PIAS1: variants seen among roughly 807,000 people sequenced by gnomAD.
PIAS1 encodes protein inhibitor of activated STAT 1.
Under a neutral mutation model 71.3 loss-of-function variants are expected in PIAS1, and 6 were observed. That is an observed-to-expected ratio of 0.08 (90% CI 0.05 to 0.17). The LOEUF (loss-of-function observed/expected upper bound fraction) is 0.17. Among genes scored for constraint, PIAS1 ranks in the 10% least tolerant of loss-of-function variants. The pLI is 1.00. For missense variants in PIAS1, 555 were observed against 793.6 expected (o/e 0.70, Z 3.61); for synonymous variants, 303 against 292.9 (o/e 1.03, Z -0.35).
chr15:68,070,861 T>C (rs1254757783), intron 1 of PIAS1, among the ~76,000 whole-genome samples: 2 of 151,914 alleles, frequency 1.3e-5, no homozygotes, highest in Non-Finnish European at 2.9e-5. Flanking sequence ...GCTCAAGTGA[T>C]TGTCCTACCT....
intron 2 of PIAS1, among the ~76,000 whole-genome samples, chr15:68,135,207 T>G (rs1249440851): frequency 1.0e-4 from 3 of 28,606 alleles, no homozygotes; most frequent in African/African-American, 7.9e-5. Context: ...CCCCCCCACC[T>G]CCCTCCCGGA....
Position 68,171,122 on chromosome 15 carries a change from T to C in PIAS1, c.1009-2610T>C, listed in dbSNP as rs2092988763. ...ATTTTTTACTTTTATTTTCTACTTTTTAAACTTTTTTGTTAAAAACAAAGA... is the reference window on the plus strand; with the variant it reads ...ATTTTTTACTTTTATTTTCTACTTTCTAAACTTTTTTGTTAAAAACAAAGA... On this transcript the variant is annotated intron_variant, in intron 8 of 13. Transcript: ENST00000249636. This position sits in a 1 kb window ranked among gnomAD's most constrained non-coding sequence, Gnocchi z 4.4. Among the ~76,000 whole-genome samples the C allele has an allele frequency of 6.6e-6, 1 of 152,180 alleles. No individual in the cohort carries two copies. The highest frequency in any genetic ancestry group is 1.5e-5 in the Non-Finnish European group (1 of 68,030).
chr15:68,178,646 T>G lies in PIAS1; in HGVS notation c.1481+1992T>G, dbSNP rs1456546494. ...CATGTGATTTTTTTAAGTGCCATAA[T>G]CACAATTTTAAAAGATATTTCATAA... On this transcript the variant is annotated intron_variant, in intron 11 of 13. Coordinates refer to ENST00000249636, the MANE Select transcript of PIAS1 (RefSeq NM_016166.3). The surrounding 1 kb of genome is among the most constrained non-coding windows in gnomAD (Gnocchi z 4.2). Among the ~76,000 whole-genome samples the G allele has an allele frequency of 5.9e-5, 9 of 152,280 alleles. No individual in the cohort carries two copies. Among genetic ancestry groups the G allele is most frequent in the Non-Finnish European group, 1.0e-4 (7 of 68,026 alleles).
At chr15:68,177,320 A>G (rs1281213865) in intron 11 of PIAS1, among the ~76,000 whole-genome samples, 6 of 148,280 alleles carry the variant, frequency 4.0e-5, no homozygotes, top group African/African-American at 2.5e-5. Context: ...TTGTATTTCT[A>G]GTTAAGTTCC....
intron 11 of PIAS1, among the ~76,000 whole-genome samples, chr15:68,177,345 C>G (rs1329150653): frequency 6.6e-6 from 1 of 151,334 alleles, no homozygotes; most frequent in East Asian, 1.9e-4. Context: ...TGATCCTGCT[C>G]CTGCTCACAG....
chr15:68,170,248 T>A (rs1024385762), intron 8 of PIAS1, among the ~76,000 whole-genome samples: 1 of 152,168 alleles, frequency 6.6e-6, no homozygotes, highest in Non-Finnish European at 1.5e-5. Context: ...TTTGTTGTTA[T>A]TCAACAAAAG....
intron 1 of PIAS1, among the ~76,000 whole-genome samples, chr15:68,071,698 C>T (rs1039849343): frequency 6.6e-6 from 1 of 151,852 alleles, no homozygotes; most frequent in African/African-American, 2.4e-5. Flanking sequence ...GGCACAGTGG[C>T]TCACACCTGT....
chr15:68,060,587 T>C (rs62002450), intron 1 of PIAS1, among the ~76,000 whole-genome samples: 1 of 152,120 alleles, frequency 6.6e-6, no homozygotes, highest in African/African-American at 2.4e-5. Flanking sequence ...TACTCCAGGC[T>C]GGGCGACAGA....
chr15:68,063,537 T>C (rs910600220), intron 1 of PIAS1, among the ~76,000 whole-genome samples: 2 of 152,218 alleles, frequency 1.3e-5, no homozygotes, highest in African/African-American at 2.4e-5. Flanking sequence ...TATTATATTT[T>C]TGGGTATCTG....
chr15:68,170,162 C>T (rs1033401314), intron 8 of PIAS1, among the ~76,000 whole-genome samples: 3 of 152,126 alleles, frequency 2.0e-5, no homozygotes, highest in African/African-American at 7.2e-5. Flanking sequence ...GGAGGAGACA[C>T]ACATAAATAA....
At chr15:68,162,483 G>A (rs2092930686) in intron 7 of PIAS1, among the ~76,000 whole-genome samples, 1 of 152,058 alleles carries the variant, frequency 6.6e-6, no homozygotes, top group South Asian at 2.1e-4. Context: ...AGGAAAAGGA[G>A]AGAGAGAGAT....
At position 68,054,523 on chromosome 15, in the gene PIAS1, G is replaced by C; in HGVS notation, c.24+173G>C. 1 of 569,612 alleles carries C rather than the reference G, an allele frequency of 1.8e-6. No homozygotes were observed. Among genetic ancestry groups the C allele is most frequent in the Non-Finnish European group, 2.9e-6 (1 of 340,584 alleles). 35.3% of individuals were successfully genotyped at this position (569,612 alleles called of 1,614,324 possible). A position where few individuals can be genotyped will look rare whatever the true frequency, so the allele number is the denominator to read the frequency against. On this transcript the variant is annotated intron_variant, in intron 1 of 13. Transcript: ENST00000249636. This position sits in a 1 kb window ranked among gnomAD's most constrained non-coding sequence, Gnocchi z 4.6. ...AGCAGAGGGGGCCCGCCTGCGGCGG[G>C]CCGCGGGCCCCGGGTGCCTCGGGGG... is the stretch of plus-strand genomic sequence containing the variant.
In PIAS1 at chr15:68,086,233, A is replaced by G; in HGVS notation, c.25-73A>G. 9.7e-7 allele frequency: 1 copy of G among 1,032,672 alleles called. No individual in the cohort carries two copies. Among genetic ancestry groups the G allele is most frequent in the Non-Finnish European group, 1.4e-6 (1 of 718,038 alleles). The allele number at this position is 1,032,672 out of a possible 1,614,324, so 64.0% of individuals were successfully genotyped here. On this transcript the variant is annotated intron_variant, in intron 1 of 13. Coordinates refer to ENST00000249636, the MANE Select transcript of PIAS1 (RefSeq NM_016166.3). This position sits in a 1 kb window ranked among gnomAD's most constrained non-coding sequence, Gnocchi z 7.2. ...AAGTAAACCATAAGAAGGGGGTTAT[A>G]ATAAAGTGTCATTTAATAGTGTAAA...
At chr15:68,104,744 A>C (rs1051927957) in intron 2 of PIAS1, among the ~76,000 whole-genome samples, 1 of 152,186 alleles carries the variant, frequency 6.6e-6, no homozygotes, top group Admixed American at 6.5e-5. Flanking sequence ...TGGATATCCT[A>C]GTTACCCTAA....
rs566668254 is a variant in PIAS1 at position 68,142,761 on chromosome 15, A to G, written c.602+424A>G. Among the ~76,000 whole-genome samples, 45 of 152,200 alleles carry G rather than the reference A, an allele frequency of 3.0e-4. No individual in the cohort carries two copies. In the South Asian group the frequency reaches 5.8e-3, roughly 20 times the overall value. On this transcript the variant is annotated intron_variant, in intron 4 of 13. Coordinates refer to ENST00000249636, the MANE Select transcript of PIAS1 (RefSeq NM_016166.3). ...ATATCATATCAAGTTTTATGAAAGC[A>G]TGGGCCTTATCTCCATAAGAGGCAA...
Position 68,167,954 on chromosome 15 carries a change from G to A in PIAS1, c.1008+3150G>A, listed in dbSNP as rs2092967497. ...ACTCCTGACCTCAGGTGATCTGCTT[G>A]CCTTAGCTTCCCAAAATGCTGGGAT... On this transcript the variant is annotated intron_variant, in intron 8 of 13. Transcript: ENST00000249636. This position sits in a 1 kb window ranked among gnomAD's most constrained non-coding sequence, Gnocchi z 4.4. Among the ~76,000 whole-genome samples, 1 of 151,996 alleles carries A rather than the reference G, an allele frequency of 6.6e-6. No individual in the cohort carries two copies. The highest frequency in any genetic ancestry group is 2.4e-5 in the African/African-American group (1 of 41,370).
intron 6 of PIAS1, among the ~76,000 whole-genome samples, chr15:68,151,538 A>T (rs2092843667): frequency 6.6e-6 from 1 of 152,010 alleles, no homozygotes. Context: ...GAAGCTTTCC[A>T]GTTGGGCCTG....
chr15:68,069,830 C>CAT (rs2092073925), intron 1 of PIAS1, among the ~76,000 whole-genome samples: 1 of 149,466 alleles, frequency 6.7e-6, no homozygotes. Context: ...AAAGAAATTA[C>CAT]ATTCTAGTAC....
chr15:68,086,642 G>A lies in PIAS1; in HGVS notation c.361G>A (p.Glu121Lys). 1 of 1,612,954 alleles carries A rather than the reference G, an allele frequency of 6.2e-7. No homozygotes were observed. The highest frequency in any genetic ancestry group is 2.2e-5 in the East Asian group (1 of 44,876). Residue 121 changes from glutamate to lysine, a missense_variant, in exon 2 of 14, where the codon GAA (glutamate) becomes AAA (lysine). Glu to Lys is a moderately conservative substitution (Grantham distance 56). Coordinates refer to ENST00000249636, the MANE Select transcript of PIAS1 (RefSeq NM_016166.3). This position sits in a 1 kb window ranked among gnomAD's most constrained non-coding sequence, Gnocchi z 7.2. The stretch of plus-strand genomic sequence containing the variant: ...TCTTCTGGGACCTAAACATGAACTG[G>A]AACTCCCACATCTTACATCAGCTCT... ...VSLLGPKHEL[E>K]LPHLTSALHP...
Sources: gnomAD v4.1 joint callset for allele counts (sites outside exome capture counted in the v4.1 genomes callset) on GRCh38, gnomAD v4.1.1 for gene constraint, Gnocchi (gnomAD v3.1) non-coding constraint, MANE v1.5 for transcripts, NCBI Gene and HGNC (gene_info 2026-07-23, HGNC 2026-07-21) for gene names.